MAVS: variants seen among roughly 807,000 people sequenced by gnomAD.
MAVS encodes the protein mitochondrial antiviral signaling protein, also known as mitochondrial antiviral-signaling protein.
MAVS carries 20 observed loss-of-function variants against 30.2 expected under a neutral mutation model. The ratio of observed to expected loss-of-function variants is 0.66; its 90% confidence interval spans 0.47 to 0.96. MAVS has a LOEUF of 0.96. Among genes scored for constraint, MAVS ranks in the 40% least tolerant of loss-of-function variants. The pLI, the probability that MAVS is intolerant of heterozygous loss-of-function variation, is 0.00. For missense variants in MAVS, 624 were observed against 701.1 expected (o/e 0.89, Z 1.24); for synonymous variants, 278 against 293.9 (o/e 0.95, Z 0.55).
intron 2 of MAVS, among the ~76,000 whole-genome samples, chr20:3,856,134 A>G (rs180740755): frequency 0.021 from 3,077 of 148,570 alleles, 102 homozygotes; most frequent in African/African-American, 0.073. Flanking sequence ...GGCTCACTGC[A>G]AGCTCTGCCT....
rs1157705476 is a variant in MAVS at position 3,873,355 on chromosome 20, G to A, written c.*7208G>A. 1.3e-5 allele frequency: 2 copies of A among 152,080 alleles called. No homozygotes were observed. Among genetic ancestry groups the A allele is most frequent in the African/African-American group, 2.4e-5 (1 of 41,394 alleles). The allele number at this position is 152,080 out of a possible 1,614,324, so 9.4% of individuals were successfully genotyped here. On this transcript the variant is annotated 3_prime_UTR_variant, in exon 7 of 7. Coordinates refer to ENST00000428216, the MANE Select transcript of MAVS (RefSeq NM_020746.5). ...CTGAGATCAGCCTGGCCAACATGGT[G>A]AAACCCCATCTGTACTAAAAATACA...
chr20:3,861,024 G>A (rs2089862133), intron 3 of MAVS, among the ~76,000 whole-genome samples: 1 of 139,066 alleles, frequency 7.2e-6, no homozygotes, highest in Non-Finnish European at 1.5e-5. Context: ...ACGGAGTCTC[G>A]CTCTGTCGCC....
chr20:3,859,890 C>T (rs1371366294), intron 3 of MAVS, among the ~76,000 whole-genome samples: 4 of 151,752 alleles, frequency 2.6e-5, no homozygotes, highest in Admixed American at 6.6e-5. Flanking sequence ...CATCTCAGCT[C>T]ACTGCAAGCT....
rs148015652 is a variant in MAVS, at chr20:3,847,408, C to G, written c.-68+505C>G. Among the ~76,000 whole-genome samples the G allele has an allele frequency of 1.5e-3, 222 of 152,332 alleles. 1 individual carries two copies. The highest frequency in any genetic ancestry group is 4.9e-3 in the African/African-American group (205 of 41,596). On this transcript the variant is annotated intron_variant, in intron 1 of 6. Coordinates refer to ENST00000428216, the MANE Select transcript of MAVS (RefSeq NM_020746.5). ...CGATCCAAGGCTGTGAGGCCTGTCC[C>G]TTTGGGAAGGGTGGGTGTTTATTTC...
At chr20:3,853,365 C>A (rs933916486) in intron 1 of MAVS, among the ~76,000 whole-genome samples, 35 of 150,822 alleles carry the variant, frequency 2.3e-4, no homozygotes, top group South Asian at 4.2e-4. Context: ...GGGCGCCTGT[C>A]GTCCCAGCTA....
chr20:3,857,515 C>A, intron 2 of MAVS, 120 bp from the exon 3 acceptor site: 1 of 1,195,364 alleles, frequency 8.4e-7, no homozygotes, highest in Non-Finnish European at 1.2e-6. Context: ...TCCAGTTTCA[C>A]GTGGCTGCCT....
In MAVS at chr20:3,871,937, T is replaced by C. The variant is rs1284642364; in HGVS notation, c.*5790T>C. ...CTGCCAGGCATTAAGCTAAGTGCTT[T>C]ACATATATTAAGTCATTTAATCCTC... On this transcript the variant is annotated 3_prime_UTR_variant, in exon 7 of 7. Coordinates refer to ENST00000428216, the MANE Select transcript of MAVS (RefSeq NM_020746.5). The C allele has an allele frequency of 1.3e-5, 2 of 152,350 alleles. No individual in the cohort carries two copies. The highest frequency in any genetic ancestry group is 2.4e-5 in the African/African-American group (1 of 41,458). 9.4% of individuals were successfully genotyped at this position (152,350 alleles called of 1,614,324 possible).
At chr20:3,848,244 GTGT>G (rs1263683405) in intron 1 of MAVS, among the ~76,000 whole-genome samples, 3 of 152,024 alleles carry the variant, frequency 2.0e-5, no homozygotes, top group Admixed American at 6.6e-5. Flanking sequence ...GACTACAGGT[GTGT>G]GCCACCATGC....
intron 2 of MAVS, among the ~76,000 whole-genome samples, chr20:3,856,900 G>A (rs2094468845): frequency 1.3e-5 from 2 of 152,006 alleles, no homozygotes; most frequent in African/African-American, 2.4e-5. Flanking sequence ...GCCGGGTGTG[G>A]TGGTGGGCTC....
At chr20:3,855,483 C>A (rs1419761145) in intron 2 of MAVS, among the ~76,000 whole-genome samples, 1 of 152,180 alleles carries the variant, frequency 6.6e-6, no homozygotes, top group Non-Finnish European at 1.5e-5. Context: ...CTAGCCCCAA[C>A]AGAACTTGCT....
rs891890304 is a variant in MAVS, at chr20:3,876,050, A to C, written c.*9903A>C. 3.3e-5 allele frequency: 5 copies of C among 152,408 alleles called. No individual in the cohort carries two copies. The highest frequency in any genetic ancestry group is 9.6e-5 in the African/African-American group (4 of 41,558). The allele number at this position is 152,408 out of a possible 1,614,324, so 9.4% of individuals were successfully genotyped here. A position where few individuals can be genotyped will look rare whatever the true frequency, so the allele number is the denominator to read the frequency against. ...ATTTTTTTTCCTACTTGCTGTCATG[A>C]TGATGTCCTTAGAATTGTGAGCCCG... On this transcript the variant is annotated 3_prime_UTR_variant, in exon 7 of 7. Coordinates refer to ENST00000428216, the MANE Select transcript of MAVS (RefSeq NM_020746.5).
rs535123064 is a variant in MAVS at position 3,862,664 on chromosome 20, TG to T, written c.625+254del. 1.8e-4 allele frequency among the ~76,000 whole-genome samples: 27 copies of T among 152,274 alleles called. 1 individual carries two copies. In the South Asian group the frequency reaches 5.4e-3, roughly 30 times the overall value. On this transcript the variant is annotated intron_variant, in intron 5 of 6. Transcript: ENST00000428216. The stretch of plus-strand genomic sequence containing the variant: ...GCCATTTATTTAGCATATGATCCTG[TG>T]GGTCAGGCATTTGGGCTACCTACAT...
At chr20:3,859,358 A>G (rs2089842872) in intron 3 of MAVS, among the ~76,000 whole-genome samples, 1 of 151,942 alleles carries the variant, frequency 6.6e-6, no homozygotes, top group Non-Finnish European at 1.5e-5. Flanking sequence ...ATACAAAAAA[A>G]TTAGCTGCGC....
chr20:3,852,251 C>T (rs1271084186), intron 1 of MAVS, among the ~76,000 whole-genome samples: 1 of 152,036 alleles, frequency 6.6e-6, no homozygotes, highest in Admixed American at 6.6e-5. Context: ...GCCTCGGCCT[C>T]CCAAAGTGCT....
Position 3,871,604 on chromosome 20 carries a change from T to C in MAVS, c.*5457T>C, listed in dbSNP as rs1385681354. ...GGCAAGATTCAAACTCCGTAGCATG[T>C]CTCCTGCTCCCATCTCTTAGGAATG... On this transcript the variant is annotated 3_prime_UTR_variant, in exon 7 of 7. Coordinates refer to ENST00000428216, the MANE Select transcript of MAVS (RefSeq NM_020746.5). The C allele has an allele frequency of 2.0e-5, 3 of 152,330 alleles. No homozygotes were observed. Among genetic ancestry groups the C allele is most frequent in the Non-Finnish European group, 4.4e-5 (3 of 68,044 alleles). The allele number at this position is 152,330 out of a possible 1,614,324, so 9.4% of individuals were successfully genotyped here.
In MAVS at chr20:3,871,047, A is replaced by AT. The variant is rs1336996523; in HGVS notation, c.*4904dup. 6.5e-6 allele frequency: 1 copy of AT among 152,846 alleles called. No homozygotes were observed. Among genetic ancestry groups the AT allele is most frequent in the Non-Finnish European group, 1.5e-5 (1 of 68,038 alleles). 9.5% of individuals were successfully genotyped at this position (152,846 alleles called of 1,614,324 possible). ...AGATGCCCGCCACCACACCTGGCTA[A>AT]TTTTCGTATTTTTGTTAGAGATGGG... On this transcript the variant is annotated 3_prime_UTR_variant, in exon 7 of 7. Coordinates refer to ENST00000428216, the MANE Select transcript of MAVS (RefSeq NM_020746.5).
rs2089975893 is a variant in MAVS at position 3,874,345 on chromosome 20, CAGTT to C, written c.*8199_*8202del. 1.0e-5 allele frequency: 4 copies of C among 397,448 alleles called. No homozygotes were observed. The highest frequency in any genetic ancestry group is 4.4e-5 in the Admixed American group (1 of 22,684). The allele number at this position is 397,448 out of a possible 1,614,324, so 24.6% of individuals were successfully genotyped here. A position where few individuals can be genotyped will look rare whatever the true frequency, so the allele number is the denominator to read the frequency against. ...TGGGTGTTGATTTCACGAGTATTGT[CAGTT>C]TGTTTCCAGACTCCCTGTTGGAGAT... On this transcript the variant is annotated 3_prime_UTR_variant, in exon 7 of 7. Transcript: ENST00000428216.
At chr20:3,854,424 CA>C (rs143700590) in intron 1 of MAVS, 133 bp from the exon 2 acceptor site, 17,332 of 186,466 alleles carry the variant, frequency 0.093, no homozygotes, top group South Asian at 0.15. Context: ...GACTCGCTCT[CA>C]AAAAAAAAAA....
Position 3,873,717 on chromosome 20 carries a change from T to C in MAVS, c.*7570T>C, listed in dbSNP as rs139561804. ...GAGAGCCCGCCCTGGACACTGGATC[T>C]GCTGGCACCTTGATCTTGGACTTCC... On this transcript the variant is annotated 3_prime_UTR_variant, in exon 7 of 7. Transcript: ENST00000428216. The C allele has an allele frequency of 5.1e-3, 832 of 161,602 alleles. 7 individuals carry two copies. Among genetic ancestry groups the C allele is most frequent in the African/African-American group, 0.018 (753 of 41,880 alleles). The allele number at this position is 161,602 out of a possible 1,614,324, so 10.0% of individuals were successfully genotyped here. A position where few individuals can be genotyped will look rare whatever the true frequency, so the allele number is the denominator to read the frequency against.
Sources: gnomAD v4.1 joint callset for allele counts (sites outside exome capture counted in the v4.1 genomes callset) on GRCh38, gnomAD v4.1.1 for gene constraint, MANE v1.5 for transcripts, NCBI Gene and HGNC (gene_info 2026-07-23, HGNC 2026-07-21) for gene names.